SENP5: variants seen among roughly 807,000 people sequenced by gnomAD.
The protein encoded by SENP5 is SUMO specific peptidase 5.
In SENP5, 21 loss-of-function variants were observed where a neutral mutation model predicts 74.2. The ratio of observed to expected loss-of-function variants is 0.28; its 90% CI spans 0.20 to 0.41. The LOEUF is 0.41. Among genes scored for constraint, SENP5 ranks in the 10% least tolerant of loss-of-function variants. SENP5 has a pLI of 1.00. For missense variants in SENP5, 717 were observed against 889.1 expected (o/e 0.81, Z 2.46); for synonymous variants, 311 against 312.7 (o/e 0.99, Z 0.06).
chr3:196,873,993 G>C (rs1713340612), intron 1 of SENP5, among the ~76,000 whole-genome samples: 1 of 151,720 alleles, frequency 6.6e-6, no homozygotes, highest in African/African-American at 2.4e-5. Flanking sequence ...ATGCACCATG[G>C]TGCCTGGCTG....
At chr3:196,924,074 C>T (rs1280074441) in intron 7 of SENP5, among the ~76,000 whole-genome samples, 1 of 151,962 alleles carries the variant, frequency 6.6e-6, no homozygotes, top group South Asian at 2.1e-4. Flanking sequence ...AGGAATATGC[C>T]CTAGGAAGAA....
chr3:196,870,061 G>T (rs1713144396), intron 1 of SENP5, among the ~76,000 whole-genome samples: 1 of 152,130 alleles, frequency 6.6e-6, no homozygotes, highest in African/African-American at 2.4e-5. Context: ...GGGGTTCTGT[G>T]CTTCTCTAGT....
At chr3:196,891,652 A>G (rs972830452) in intron 2 of SENP5, among the ~76,000 whole-genome samples, 2 of 152,186 alleles carry the variant, frequency 1.3e-5, no homozygotes, top group South Asian at 2.1e-4. Context: ...AAATAAAATT[A>G]TCTGCATGTG....
intron 9 of SENP5, among the ~76,000 whole-genome samples, chr3:196,930,316 G>A (rs1715989642): frequency 6.6e-6 from 1 of 152,196 alleles, no homozygotes; most frequent in Non-Finnish European, 1.5e-5. Flanking sequence ...CACTTTGGGA[G>A]GAATTGAGGC....
chr3:196,906,020 G>C (rs1714888317), intron 6 of SENP5, among the ~76,000 whole-genome samples: 1 of 152,182 alleles, frequency 6.6e-6, no homozygotes, highest in African/African-American at 2.4e-5. Context: ...AGGAGTTCAA[G>C]ATCAGCCTGG....
At chr3:196,872,803 A>C (rs1294169196) in intron 1 of SENP5, among the ~76,000 whole-genome samples, 1 of 152,322 alleles carries the variant, frequency 6.6e-6, no homozygotes, top group African/African-American at 2.4e-5. Flanking sequence ...TATTGGGCAG[A>C]GCAGATATAG....
At chr3:196,878,420 T>C (rs768239639) in intron 1 of SENP5, among the ~76,000 whole-genome samples, 1 of 152,110 alleles carries the variant, frequency 6.6e-6, no homozygotes, top group South Asian at 2.1e-4. Context: ...AAGGATAAGG[T>C]ACTGTGCCTT....
intron 1 of SENP5, among the ~76,000 whole-genome samples, chr3:196,875,750 G>A: frequency 6.6e-6 from 1 of 151,520 alleles, no homozygotes. Context: ...ATTTTTTTGA[G>A]ACAGGGTCTT....
At chr3:196,868,558 A>ATCAGCCTCCGCTCTACGCCGT (rs2108798457) in intron 1 of SENP5, among the ~76,000 whole-genome samples, 1 of 152,214 alleles carries the variant, frequency 6.6e-6, no homozygotes, top group South Asian at 2.1e-4. Flanking sequence ...GTCTGCTCTG[A>ATCAGCCTCCGCTCTACGCCGT]GCGGTATCAG....
chr3:196,869,377 T>C (rs1184313660), intron 1 of SENP5, among the ~76,000 whole-genome samples: 2 of 151,802 alleles, frequency 1.3e-5, no homozygotes, highest in Non-Finnish European at 2.9e-5. Flanking sequence ...CTAATTTTTG[T>C]ATTTTTAGTA....
chr3:196,876,730 A>T (rs62774560), intron 1 of SENP5, among the ~76,000 whole-genome samples: 2 of 137,508 alleles, frequency 1.5e-5, no homozygotes, highest in Non-Finnish European at 3.2e-5. Flanking sequence ...AAAAAAAAAA[A>T]TTGCCAGGCG....
In SENP5 at chr3:196,927,498, C is replaced by T. The variant is rs914334290; in HGVS notation, c.2023-298C>T. Among the ~76,000 whole-genome samples the T allele has an allele frequency of 3.7e-4, 56 of 152,040 alleles. 1 individual carries two copies. Among genetic ancestry groups the T allele is most frequent in the Admixed American group, 3.6e-3 (55 of 15,270 alleles). Reference sequence around the variant, plus strand: ...ATAAAGTCCCGGCTTTAGCCGGGAGCGGTGGTGTACACCTATAGTCCCAGC... The same window carrying T: ...ATAAAGTCCCGGCTTTAGCCGGGAGTGGTGGTGTACACCTATAGTCCCAGC... On this transcript the variant is annotated intron_variant, in intron 7 of 9. Coordinates refer to ENST00000323460, the MANE Select transcript of SENP5 (RefSeq NM_152699.5).
chr3:196,914,517 C>T (rs1165050618), intron 6 of SENP5: 2 of 138,702 alleles, frequency 1.4e-5, no homozygotes, highest in African/African-American at 2.7e-5. Context: ...GTTCCAGCTA[C>T]TCCGGAGGCT....
intron 6 of SENP5, among the ~76,000 whole-genome samples, chr3:196,908,584 G>A (rs1312867060): frequency 7.2e-5 from 11 of 152,228 alleles, no homozygotes; most frequent in Admixed American, 7.2e-4. Context: ...AGCACTTTGG[G>A]AGGCTGAGGC....
chr3:196,911,598 A>G (rs963457398), intron 6 of SENP5, among the ~76,000 whole-genome samples: 4 of 151,504 alleles, frequency 2.6e-5, no homozygotes, highest in Admixed American at 2.0e-4. Context: ...CAAAAAACAT[A>G]TGAAAAAACC....
intron 7 of SENP5, 110 bp from the exon 8 acceptor site, chr3:196,927,686 C>A: frequency 3.3e-6 from 2 of 614,624 alleles, no homozygotes; most frequent in Non-Finnish European, 2.9e-6. Context: ...CATATTCTGC[C>A]CAGTTATGGG....
chr3:196,888,446 TGTG>T (rs1237791230), intron 2 of SENP5, among the ~76,000 whole-genome samples: 1 of 151,774 alleles, frequency 6.6e-6, no homozygotes, highest in Non-Finnish European at 1.5e-5. Flanking sequence ...AGCCAGGTGT[TGTG>T]GTGCGTGTCT....
chr3:196,928,348 A>ACCATGCT (rs1715893291), intron 8 of SENP5, among the ~76,000 whole-genome samples: 1 of 152,228 alleles, frequency 6.6e-6, no homozygotes, highest in Non-Finnish European at 1.5e-5. Flanking sequence ...TGCTTGGCCC[A>ACCATGCT]TGACATTCAA....
chr3:196,921,946 G>T (rs1016715457), intron 6 of SENP5, among the ~76,000 whole-genome samples: 2 of 152,124 alleles, frequency 1.3e-5, no homozygotes, highest in Admixed American at 6.6e-5. Context: ...AATGTATGTG[G>T]AGCACTTACT....
Sources: allele counts gnomAD v4.1 joint callset (sites outside exome capture counted in the v4.1 genomes callset), GRCh38; gene constraint gnomAD v4.1.1; transcripts MANE v1.5; gene names NCBI Gene and HGNC (gene_info 2026-07-23, HGNC 2026-07-21).